MYOT: variants seen among roughly 807,000 people sequenced by gnomAD.
MYOT encodes the protein myotilin.
In MYOT, 36 loss-of-function variants were observed where a neutral mutation model predicts 58.0. The observed-to-expected ratio is 0.62, with a 90% CI of 0.48 to 0.82. The LOEUF (loss-of-function observed/expected upper bound fraction) is 0.82, where lower values mean the gene tolerates loss of function less well. MYOT is among the 40% of genes least tolerant of loss of function. The pLI is 0.00. For missense variants in MYOT, 505 were observed against 592.1 expected, an observed-to-expected ratio of 0.85 and a Z score of 1.53; for synonymous variants, 218 against 204.6, an observed-to-expected ratio of 1.07 and a Z score of -0.56.
At chr5:137,884,570 A>G (rs544147662) in intron 7 of MYOT, among the ~76,000 whole-genome samples, 2 of 152,332 alleles carry the variant, frequency 1.3e-5, no homozygotes, top group African/African-American at 2.4e-5. Flanking sequence ...TGCTTTAAAT[A>G]TACAAGTTGA....
At chr5:137,876,338 C>G (rs1755219460) in intron 3 of MYOT, 2 of 344,048 alleles carry the variant, frequency 5.8e-6, no homozygotes, top group African/African-American at 4.3e-5. Flanking sequence ...ATGTATAACA[C>G]TGACAGGTAA....
Position 137,887,481 on chromosome 5 carries a change from A to G in MYOT, c.*96A>G. 8.7e-7 allele frequency: 1 copy of G among 1,144,974 alleles called. No homozygotes were observed. Among genetic ancestry groups the G allele is most frequent in the Non-Finnish European group, 1.3e-6 (1 of 782,992 alleles). 70.9% of individuals were successfully genotyped at this position (1,144,974 alleles called of 1,614,324 possible). A position where few individuals can be genotyped will look rare whatever the true frequency, so the allele number is the denominator to read the frequency against. ...TAATCCATAGCTGTATTAACAGATT[A>G]TGGTTTTAATTAGGTAATATAGTTA... On this transcript the variant is annotated 3_prime_UTR_variant, in exon 10 of 10. Transcript: ENST00000239926.
chr5:137,875,185 C>T (rs1052467402), intron 2 of MYOT, among the ~76,000 whole-genome samples: 1 of 152,128 alleles, frequency 6.6e-6, no homozygotes, highest in African/African-American at 2.4e-5. Context: ...AAATTACGTC[C>T]TTTGCAGCAA....
Sources: allele counts gnomAD v4.1 joint callset (sites outside exome capture counted in the v4.1 genomes callset), GRCh38; gene constraint gnomAD v4.1.1; transcripts MANE v1.5; gene names NCBI Gene and HGNC (gene_info 2026-07-23, HGNC 2026-07-21).